Variants in TEX2 observed in about 807,000 individuals in gnomAD.
TEX2 encodes the protein testis expressed 2.
In TEX2, 53 loss-of-function variants were observed where a neutral mutation model predicts 106.9. The observed-to-expected ratio is 0.50, with a 90% CI of 0.40 to 0.62. The LOEUF (loss-of-function observed/expected upper bound fraction) is 0.62, where lower values mean the gene tolerates loss of function less well. Ranked by LOEUF, TEX2 falls within the 20% of genes least tolerant of loss-of-function variation. The pLI is 0.00. For missense variants in TEX2, 1,207 were observed against 1,379.0 expected (o/e 0.88, Z 1.98); for synonymous variants, 523 against 534.8 (o/e 0.98, Z 0.30).
chr17:64,246,820 G>A (rs1555636346), intron 1 of TEX2, among the ~76,000 whole-genome samples: 2 of 152,156 alleles, frequency 1.3e-5, no homozygotes, highest in South Asian at 2.1e-4. Flanking sequence ...TCCAAGGAAG[G>A]GCAGGATCCA....
chr17:64,194,978 T>C lies in TEX2; in HGVS notation c.1762A>G (p.Ile588Val). The C allele has an allele frequency of 6.2e-7, 1 of 1,614,196 alleles. No individual in the cohort carries two copies. Among genetic ancestry groups the C allele is most frequent in the Non-Finnish European group, 8.5e-7 (1 of 1,180,022 alleles). The change falls in exon 3 of 12, where the codon ATA becomes GTA. Residue 588 changes from isoleucine (I) to valine (V), a missense_variant. Transcript: ENST00000584379. ...TLRLSKPNKN[I>V]SRRASYNEPK... Reference sequence around the variant, plus strand: ...TCATTGTAGCTGGCCCTCCTGGATATATTTTTATTGGGCTTTGAAAGTCTT... The same window carrying C: ...TCATTGTAGCTGGCCCTCCTGGATACATTTTTATTGGGCTTTGAAAGTCTT...
intron 1 of TEX2, among the ~76,000 whole-genome samples, chr17:64,232,276 AG>A (rs2033675742): frequency 6.6e-6 from 1 of 152,180 alleles, no homozygotes; most frequent in Non-Finnish European, 1.5e-5. Flanking sequence ...CTGATGAAAA[AG>A]GATCTTTTTT....
At chr17:64,219,680 G>A (rs1567951667) in intron 1 of TEX2, among the ~76,000 whole-genome samples, 1 of 152,092 alleles carries the variant, frequency 6.6e-6, no homozygotes, top group Non-Finnish European at 1.5e-5. Flanking sequence ...GATGGAAAGA[G>A]AAGGAAAAGA....
At chr17:64,243,783 T>C (rs527717723) in intron 1 of TEX2, among the ~76,000 whole-genome samples, 3 of 151,888 alleles carry the variant, frequency 2.0e-5, no homozygotes, top group Admixed American at 6.6e-5. Context: ...ATGGTGACTA[T>C]GTCCCAAAAG....
At chr17:64,164,785 C>T (rs562662132) in intron 7 of TEX2, among the ~76,000 whole-genome samples, 3 of 152,298 alleles carry the variant, frequency 2.0e-5, no homozygotes, top group East Asian at 3.9e-4. Context: ...AATGCCTTGG[C>T]GTATGTCCCC....
In TEX2 at chr17:64,247,662, T is replaced by G. The variant is rs551379872; in HGVS notation, c.-26+15506A>C. On this transcript the variant is annotated intron_variant, in intron 1 of 11. Coordinates refer to ENST00000584379, the MANE Select transcript of TEX2 (RefSeq NM_001288732.2). ...GTCTGTGCTCCAGGTTCTTCTACCGTGAATTGGTCTCTCCATTCTAAAAAG... is the reference window on the plus strand; with the variant it reads ...GTCTGTGCTCCAGGTTCTTCTACCGGGAATTGGTCTCTCCATTCTAAAAAG... 3.9e-5 allele frequency among the ~76,000 whole-genome samples: 6 copies of G among 152,310 alleles called. No homozygotes were observed. In the South Asian group the frequency reaches 1.2e-3, roughly 32 times the overall value.
At chr17:64,207,426 T>C (rs1383649742) in intron 2 of TEX2, among the ~76,000 whole-genome samples, 1 of 152,210 alleles carries the variant, frequency 6.6e-6, no homozygotes, top group African/African-American at 2.4e-5. Context: ...TAGTCTTCCA[T>C]ATTGGTGAGC....
chr17:64,194,505 G>C (rs1168380002), intron 3 of TEX2, among the ~76,000 whole-genome samples: 1 of 135,500 alleles, frequency 7.4e-6, no homozygotes, highest in African/African-American at 2.5e-5. Flanking sequence ...CATGTACAAA[G>C]ACTTCAATAG....
intron 1 of TEX2, among the ~76,000 whole-genome samples, chr17:64,221,670 C>A (rs1237783886): frequency 1.3e-5 from 2 of 152,154 alleles, no homozygotes; most frequent in Non-Finnish European, 2.9e-5. Flanking sequence ...TCCTCCAATC[C>A]CACTTCTGGG....
chr17:64,216,504 C>T (rs559185913), intron 1 of TEX2, among the ~76,000 whole-genome samples: 1 of 152,268 alleles, frequency 6.6e-6, no homozygotes, highest in African/African-American at 2.4e-5. Context: ...AGTCCAAGTA[C>T]AAAGTGCATG....
At chr17:64,191,980 C>T (rs549703527) in intron 4 of TEX2, among the ~76,000 whole-genome samples, 61 of 152,200 alleles carry the variant, frequency 4.0e-4, no homozygotes, top group African/African-American at 1.3e-3. Flanking sequence ...TTTTATTGGA[C>T]TAAGACTTTG....
chr17:64,183,706 G>A (rs571936191), intron 5 of TEX2, among the ~76,000 whole-genome samples: 76 of 152,300 alleles, frequency 5.0e-4, no homozygotes, highest in African/African-American at 1.4e-3. Flanking sequence ...AGGATTATAG[G>A]CGTGAGCCAC....
intron 3 of TEX2, among the ~76,000 whole-genome samples, chr17:64,194,468 A>G (rs757479358): frequency 3.3e-5 from 5 of 152,250 alleles, no homozygotes; most frequent in Non-Finnish European, 7.3e-5. Context: ...ATCAAAATGT[A>G]GTTATTTTGC....
At chr17:64,175,285 A>G (rs565266881) in intron 6 of TEX2, among the ~76,000 whole-genome samples, 49 of 152,234 alleles carry the variant, frequency 3.2e-4, no homozygotes, top group African/African-American at 1.1e-3. Context: ...AGGCGGGTGG[A>G]GGGTATGGAT....
intron 2 of TEX2, among the ~76,000 whole-genome samples, chr17:64,211,668 A>G (rs1208470038): frequency 6.6e-6 from 1 of 152,212 alleles, no homozygotes; most frequent in African/African-American, 2.4e-5. Context: ...GCCATTTTAC[A>G]TAAGGGACTG....
chr17:64,212,045 C>T (rs1250185064), intron 2 of TEX2, among the ~76,000 whole-genome samples: 1 of 152,102 alleles, frequency 6.6e-6, no homozygotes, highest in African/African-American at 2.4e-5. Context: ...TCCCAGGGAC[C>T]CCTCAGGAGG....
intron 5 of TEX2, among the ~76,000 whole-genome samples, chr17:64,181,471 TCAAAAAAAA>T (rs869135284): frequency 2.6e-5 from 3 of 117,432 alleles, no homozygotes; most frequent in Non-Finnish European, 3.5e-5. Context: ...CAAGGCTATC[TCAAAAAAAA>T]AAAAAAAAAA....
At chr17:64,191,233 C>T (rs1012699853) in intron 4 of TEX2, among the ~76,000 whole-genome samples, 4 of 152,176 alleles carry the variant, frequency 2.6e-5, no homozygotes, top group Non-Finnish European at 4.4e-5. Flanking sequence ...CTGACTCTTA[C>T]CATTATGTTT....
In TEX2 at chr17:64,153,166, G is replaced by A. The variant is rs2030445869; in HGVS notation, c.2931-12C>T. On this transcript the variant is annotated splice_polypyrimidine_tract_variant and intron_variant, in intron 9 of 11. Coordinates refer to ENST00000584379, the MANE Select transcript of TEX2 (RefSeq NM_001288732.2). This position sits in a 1 kb window ranked among gnomAD's most constrained non-coding sequence, Gnocchi z 4.1. ...GACCTCCAACGTACCTTCAAATGTG[G>A]AACACAAAGGGCGGTTAGCACAAAC... 6.3e-7 allele frequency: 1 copy of A among 1,599,452 alleles called. No individual in the cohort carries two copies. The highest frequency in any genetic ancestry group is 8.6e-7 in the Non-Finnish European group (1 of 1,168,166).
Sources: gnomAD v4.1 joint callset for allele counts (sites outside exome capture counted in the v4.1 genomes callset) on GRCh38, gnomAD v4.1.1 for gene constraint, Gnocchi (gnomAD v3.1) non-coding constraint, MANE v1.5 for transcripts, NCBI Gene and HGNC (gene_info 2026-07-23, HGNC 2026-07-21) for gene names.